The following WWTR1 variants were observed in gnomAD, a reference collection of about 807,000 sequenced individuals.
WWTR1 encodes the protein WW domain containing transcription regulator 1.
Under a neutral mutation model 40.1 loss-of-function variants are expected in WWTR1, and 13 were observed. The observed-to-expected ratio is 0.32, with a 90% CI of 0.21 to 0.52. WWTR1 has a LOEUF of 0.52. Among genes scored for constraint, WWTR1 ranks in the 20% least tolerant of loss-of-function variants. The probability of loss-of-function intolerance (pLI) is 0.97; values close to 1 mark genes in which losing one functional copy is unlikely to be tolerated. For synonymous variants in WWTR1, 230 were observed against 210.1 expected (o/e 1.09, Z -0.82); for missense variants, 436 against 523.1 (o/e 0.83, Z 1.63).
At chr3:149,689,973 C>A (rs1714764980) in intron 1 of WWTR1, among the ~76,000 whole-genome samples, 1 of 152,030 alleles carries the variant, frequency 6.6e-6, no homozygotes, top group Non-Finnish European at 1.5e-5. Context: ...AAGTAAGAGG[C>A]AGGGACGAAG....
chr3:149,651,282 C>G lies in WWTR1; in HGVS notation c.431+5594G>C, dbSNP rs1712848555. ...AAAACTTACCTCCTACAAACCACTT[C>G]TTAAGAAGTTACTCAAGCATGTACT... On this transcript the variant is annotated intron_variant, in intron 2 of 6. Transcript: ENST00000360632. 2.0e-5 allele frequency among the ~76,000 whole-genome samples: 3 copies of G among 152,084 alleles called. No homozygotes were observed. In the South Asian group the frequency reaches 6.2e-4, roughly 32 times the overall value.
chr3:149,587,682 G>A lies in WWTR1; in HGVS notation c.432-14682C>T, dbSNP rs550314743. ...TCTTAGGAGTAGAGGAAATACGTGC[G>A]AATAACATTAAAATGTCCTTCCAGT... is the stretch of plus-strand genomic sequence containing the variant. On this transcript the variant is annotated intron_variant, in intron 2 of 6. Transcript: ENST00000360632. 4.7e-4 allele frequency among the ~76,000 whole-genome samples: 71 copies of A among 152,268 alleles called. 1 individual carries two copies. Among genetic ancestry groups the A allele is most frequent in the Non-Finnish European group, 8.2e-4 (56 of 68,020 alleles).
At chr3:149,665,603 G>C (rs1032926555) in intron 2 of WWTR1, among the ~76,000 whole-genome samples, 2 of 152,122 alleles carry the variant, frequency 1.3e-5, no homozygotes, top group African/African-American at 4.8e-5. Context: ...GATTCTGATA[G>C]TTATTTGAAA....
At chr3:149,601,286 G>C (rs142304856) in intron 2 of WWTR1, among the ~76,000 whole-genome samples, 2,198 of 152,130 alleles carry the variant, frequency 0.014, 65 homozygotes, top group African/African-American at 0.051. Flanking sequence ...TGCCTCCCAG[G>C]TTCAAGCAAT....
chr3:149,578,281 C>T (rs75582714), intron 2 of WWTR1, among the ~76,000 whole-genome samples: 3 of 152,248 alleles, frequency 2.0e-5, no homozygotes, highest in African/African-American at 7.2e-5. Context: ...AGTCACACTA[C>T]CCATATGCAT....
intron 2 of WWTR1, among the ~76,000 whole-genome samples, chr3:149,580,852 T>C (rs1738122798): frequency 6.6e-6 from 1 of 152,162 alleles, no homozygotes; most frequent in South Asian, 2.1e-4. Context: ...CCTCAGGCCA[T>C]CCACCCGCCT....
At chr3:149,650,714 A>G (rs1712815663) in intron 2 of WWTR1, among the ~76,000 whole-genome samples, 1 of 152,212 alleles carries the variant, frequency 6.6e-6, no homozygotes, top group African/African-American at 2.4e-5. Flanking sequence ...GATTCCAAAC[A>G]ATAAAAACTA....
Position 149,520,808 on chromosome 3 carries a change from C to T in WWTR1, c.1200G>A (p.Leu400=). 6.3e-7 allele frequency: 1 copy of T among 1,583,280 alleles called. No homozygotes were observed. The highest frequency in any genetic ancestry group is 8.6e-7 in the Non-Finnish European group (1 of 1,167,914). Residue 400 remains leucine (L), a synonymous_variant, in exon 7 of 7, where the codon CTG becomes CTA. Transcript: ENST00000360632. The part of the protein sequence containing the change: ...LNKSEPFLTW[L] ...ATCCAAGTTACAATGGTAGTGATTA[C>T]AGCCAGGTTAGAAAGGGCTCACTTT...
intron 3 of WWTR1, among the ~76,000 whole-genome samples, chr3:149,563,591 T>C (rs2107979631): frequency 2.0e-5 from 3 of 152,324 alleles, no homozygotes; most frequent in Admixed American, 2.0e-4. Flanking sequence ...CCCTAGTAAA[T>C]GTCTATTTCA....
intron 2 of WWTR1, among the ~76,000 whole-genome samples, chr3:149,609,289 C>T (rs532179478): frequency 3.8e-4 from 58 of 152,168 alleles, no homozygotes; most frequent in Non-Finnish European, 6.5e-4. Context: ...TAATCATAAT[C>T]GGATTACCTA....
intron 3 of WWTR1, among the ~76,000 whole-genome samples, chr3:149,555,484 GAA>G (rs746791957): frequency 1.6e-5 from 2 of 124,874 alleles, no homozygotes; most frequent in African/African-American, 2.9e-5. Context: ...GACCACTCAG[GAA>G]AAAAAAAAAA....
chr3:149,589,308 C>T (rs747250576), intron 2 of WWTR1, among the ~76,000 whole-genome samples: 1 of 152,188 alleles, frequency 6.6e-6, no homozygotes, highest in African/African-American at 2.4e-5. Context: ...AGAATGCATG[C>T]CTCACGTAAC....
In WWTR1 at chr3:149,527,838, A is replaced by T. The variant is rs750099165; in HGVS notation, c.903T>A (p.Asn301Lys). The T allele has an allele frequency of 1.2e-6, 2 of 1,613,984 alleles. No homozygotes were observed. The highest frequency in any genetic ancestry group is 2.2e-5 in the South Asian group (2 of 91,074). The change falls in exon 5 of 7, where the codon AAT (asparagine) becomes AAA (lysine). Residue 301 changes from asparagine to lysine, a missense_variant and splice_region_variant. Transcript: ENST00000360632. ...GTGGCCCCCAAATATTAACTTACCC[A>T]TTGAGGAAAGGATCTGAGCTATTAT... is the stretch of plus-strand genomic sequence containing the variant. ...ITNNSSDPFLNGGPYHSREQS... is the reference protein window; with the variant it reads ...ITNNSSDPFLKGGPYHSREQS...
rs577275804 is a variant in WWTR1, at chr3:149,527,272, C to G, written c.905+564G>C. ...CAGGTTCAAGCAATTCTCAGCCTCC[C>G]GAGTAGCTGGGATTACAGGCATGCA... On this transcript the variant is annotated intron_variant, in intron 5 of 6. Coordinates refer to ENST00000360632, the MANE Select transcript of WWTR1 (RefSeq NM_015472.6). 2.0e-5 allele frequency among the ~76,000 whole-genome samples: 3 copies of G among 151,890 alleles called. No individual in the cohort carries two copies. The South Asian group carries it at 6.2e-4, about 32-fold the overall frequency.
At chr3:149,640,566 A>G (rs971654976) in intron 2 of WWTR1, among the ~76,000 whole-genome samples, 1 of 152,084 alleles carries the variant, frequency 6.6e-6, no homozygotes, top group African/African-American at 2.4e-5. Flanking sequence ...GATAACAAGC[A>G]TGTGCCACCA....
chr3:149,694,375 CAGAGCA>C (rs1320394288), intron 1 of WWTR1, among the ~76,000 whole-genome samples: 5 of 152,178 alleles, frequency 3.3e-5, no homozygotes, highest in East Asian at 1.9e-4. Context: ...GCCTGGGCGA[CAGAGCA>C]AGAGCAAGAG....
chr3:149,620,882 C>T (rs1740237092), intron 2 of WWTR1, among the ~76,000 whole-genome samples: 1 of 152,210 alleles, frequency 6.6e-6, no homozygotes, highest in Admixed American at 6.5e-5. Context: ...TCAAGCTTTT[C>T]AACTGTAGTG....
upstream of WWTR1, among the ~76,000 whole-genome samples, chr3:149,706,812 A>G (rs923407867): frequency 1.6e-4 from 25 of 152,226 alleles, no homozygotes; most frequent in African/African-American, 5.5e-4. Context: ...AAACCTTTTA[A>G]GAAAAGGAAG....
At chr3:149,623,973 T>C (rs1284009652) in intron 2 of WWTR1, among the ~76,000 whole-genome samples, 2 of 152,222 alleles carry the variant, frequency 1.3e-5, no homozygotes, top group African/African-American at 2.4e-5. Flanking sequence ...CTATCTCCCA[T>C]GTGGCTTGCA....
Sources: allele counts gnomAD v4.1 joint callset (sites outside exome capture counted in the v4.1 genomes callset), GRCh38; gene constraint gnomAD v4.1.1; transcripts MANE v1.5; gene names NCBI Gene and HGNC (gene_info 2026-07-23, HGNC 2026-07-21).